The following CDC27 variants were observed in gnomAD, a reference collection of about 807,000 sequenced individuals.
The protein encoded by CDC27 is cell division cycle protein 27 homolog.
A neutral mutation model predicts 109.7 loss-of-function variants in CDC27; 27 were observed. The observed-to-expected ratio is 0.25, with a 90% CI of 0.18 to 0.34. CDC27 has a LOEUF of 0.34. CDC27 is among the 10% of genes least tolerant of loss of function. The pLI is 1.00. For synonymous variants in CDC27, 266 were observed against 333.9 expected (o/e 0.80, Z 2.22); for missense variants, 579 against 960.2 (o/e 0.60, Z 5.25).
At chr17:47,175,876 T>TA (rs1199477439) in intron 2 of CDC27, among the ~76,000 whole-genome samples, 4 of 152,182 alleles carry the variant, frequency 2.6e-5, no homozygotes, top group African/African-American at 4.8e-5. Context: ...CTATAAGTAG[T>TA]ATGACATGTG....
At chr17:47,176,919 T>C in intron 2 of CDC27, among the ~76,000 whole-genome samples, 1 of 152,232 alleles carries the variant, frequency 6.6e-6, no homozygotes, top group East Asian at 1.9e-4. Flanking sequence ...TAAATAAGTT[T>C]TTTTTTATAT....
chr17:47,141,114 G>C (rs1211868651), intron 12 of CDC27, among the ~76,000 whole-genome samples: 1 of 152,192 alleles, frequency 6.6e-6, no homozygotes, highest in Non-Finnish European at 1.5e-5. Context: ...GAGTCTAGAA[G>C]AGAGTCCAGG....
In CDC27 at chr17:47,118,143, A is replaced by G. The variant is rs1322128917; in HGVS notation, c.*2792T>C. The G allele has an allele frequency of 1.3e-5, 2 of 152,210 alleles. No homozygotes were observed. Among genetic ancestry groups the G allele is most frequent in the Non-Finnish European group, 1.5e-5 (1 of 68,028 alleles). The allele number at this position is 152,210 out of a possible 1,614,324, so 9.4% of individuals were successfully genotyped here. A position where few individuals can be genotyped will look rare whatever the true frequency, so the allele number is the denominator to read the frequency against. On this transcript the variant is annotated 3_prime_UTR_variant, in exon 19 of 19. Coordinates refer to ENST00000066544, the MANE Select transcript of CDC27 (RefSeq NM_001256.6). Reference sequence around the variant, plus strand: ...GTTTTCACAAAGAAAATGGGTCACCATATTTCTCAGTGAAGACTCATACTA... The same window carrying G: ...GTTTTCACAAAGAAAATGGGTCACCGTATTTCTCAGTGAAGACTCATACTA...
intron 14 of CDC27, among the ~76,000 whole-genome samples, chr17:47,133,024 TATATACACAC>T (rs1467288057): frequency 2.1e-4 from 10 of 47,492 alleles, no homozygotes; most frequent in East Asian, 1.3e-3. Flanking sequence ...TATATATATA[TATATACACAC>T]ACACACACAC....
chr17:47,123,997 A>G, intron 16 of CDC27, 37 bp from the exon 17 acceptor site: 1 of 1,461,056 alleles, frequency 6.8e-7, no homozygotes, highest in East Asian at 2.3e-5. Context: ...AGTAGCAAAA[A>G]TTTTTAAAGT....
At chr17:47,180,267 C>T (rs12452346) in intron 2 of CDC27, among the ~76,000 whole-genome samples, 1 of 152,118 alleles carries the variant, frequency 6.6e-6, no homozygotes, top group Non-Finnish European at 1.5e-5. Context: ...AATCTTCTTT[C>T]TAAGCCTTCC....
chr17:47,159,395 G>T, intron 4 of CDC27: 1 of 982,468 alleles, frequency 1.0e-6, no homozygotes, highest in East Asian at 2.7e-5. Flanking sequence ...TGCAGCCCCT[G>T]GCTGAGGTGT....
chr17:47,137,859 G>A (rs2062667585), intron 13 of CDC27, among the ~76,000 whole-genome samples: 1 of 151,388 alleles, frequency 6.6e-6, no homozygotes, highest in South Asian at 2.1e-4. Flanking sequence ...GGAGGGCAGT[G>A]GTGTGATCTT....
intron 17 of CDC27, among the ~76,000 whole-genome samples, chr17:47,123,347 T>G (rs1283704468): frequency 6.6e-6 from 1 of 152,014 alleles, no homozygotes; most frequent in Non-Finnish European, 1.5e-5. Context: ...TCAGAAGCCA[T>G]TTCTCTTAAT....
At chr17:47,179,138 A>G (rs1598600683) in intron 2 of CDC27, among the ~76,000 whole-genome samples, 1 of 152,322 alleles carries the variant, frequency 6.6e-6, no homozygotes, top group East Asian at 1.9e-4. Context: ...TCTCGAGAGA[A>G]AGACAAATGG....
At chr17:47,153,573 A>T (rs753339972) in intron 8 of CDC27, among the ~76,000 whole-genome samples, 21 of 152,220 alleles carry the variant, frequency 1.4e-4, no homozygotes, top group Non-Finnish European at 2.8e-4. Flanking sequence ...AAGAAGAAAC[A>T]TGTTTCTATT....
At chr17:47,174,113 T>C (rs1431464810) in intron 2 of CDC27, among the ~76,000 whole-genome samples, 2 of 152,142 alleles carry the variant, frequency 1.3e-5, no homozygotes, top group African/African-American at 4.8e-5. Flanking sequence ...ATAAATATAA[T>C]GAAACTGTCA....
intron 16 of CDC27, among the ~76,000 whole-genome samples, chr17:47,127,525 C>T (rs1428022521): frequency 1.3e-5 from 2 of 152,010 alleles, no homozygotes; most frequent in African/African-American, 4.8e-5. Flanking sequence ...GCCTCAGCCT[C>T]CCAGGTAGCT....
intron 14 of CDC27, among the ~76,000 whole-genome samples, chr17:47,136,246 G>T (rs1042947271): frequency 6.6e-6 from 1 of 152,124 alleles, no homozygotes; most frequent in African/African-American, 2.4e-5. Flanking sequence ...TGTTACATTG[G>T]TCAGCAAAAG....
At chr17:47,175,098 TA>T (rs2063956579) in intron 2 of CDC27, among the ~76,000 whole-genome samples, 1 of 67,416 alleles carries the variant, frequency 1.5e-5, no homozygotes, top group Non-Finnish European at 3.3e-5. Context: ...AGGAAGGAAG[TA>T]AGTTGTAGCA....
intron 3 of CDC27, 111 bp from the exon 4 acceptor site, chr17:47,170,153 C>G (rs546405897): frequency 3.5e-5 from 25 of 722,638 alleles, no homozygotes; most frequent in Non-Finnish European, 4.6e-5. Flanking sequence ...AATTTTTTCT[C>G]TCTCTCTCTT....
At chr17:47,141,624 T>A (rs984187820) in intron 12 of CDC27, among the ~76,000 whole-genome samples, 3 of 152,182 alleles carry the variant, frequency 2.0e-5, no homozygotes. Context: ...AATGTCTGGA[T>A]GACTTGGGTC....
Position 47,118,065 on chromosome 17 carries a change from T to G in CDC27, c.*2870A>C, listed in dbSNP as rs183415078. 2.7e-3 allele frequency: 414 copies of G among 152,288 alleles called. 2 individuals carry two copies. The highest frequency in any genetic ancestry group is 9.7e-3 in the African/African-American group (402 of 41,574). The allele number at this position is 152,288 out of a possible 1,614,324, so 9.4% of individuals were successfully genotyped here. On this transcript the variant is annotated 3_prime_UTR_variant, in exon 19 of 19. Coordinates refer to ENST00000066544, the MANE Select transcript of CDC27 (RefSeq NM_001256.6). ...GCAAAAAGAAGACACAAAATTACAT[T>G]GTTTCAATGCAAACAGAACACACAC...
At chr17:47,129,566 T>C (rs771240299) in intron 15 of CDC27, 45 bp from the exon 16 acceptor site, 4 of 1,422,608 alleles carry the variant, frequency 2.8e-6, no homozygotes, top group East Asian at 2.3e-5. Context: ...TTGATATTTA[T>C]GAAGAAAGGT....
Sources: gnomAD v4.1 joint callset for allele counts (sites outside exome capture counted in the v4.1 genomes callset) on GRCh38, gnomAD v4.1.1 for gene constraint, MANE v1.5 for transcripts, NCBI Gene and HGNC (gene_info 2026-07-23, HGNC 2026-07-21) for gene names.